Variants in RNF144B observed in about 807,000 individuals in gnomAD.
RNF144B encodes E3 ubiquitin-protein ligase RNF144B.
Under a neutral mutation model 40.2 loss-of-function variants are expected in RNF144B, and 25 were observed. The observed-to-expected ratio is 0.62, with a 90% CI of 0.45 to 0.87. The LOEUF (loss-of-function observed/expected upper bound fraction) is 0.87, where lower values mean the gene tolerates loss of function less well. Ranked by LOEUF, RNF144B falls within the 40% of genes least tolerant of loss-of-function variation. The pLI is 0.00. For missense variants in RNF144B, 365 were observed against 373.7 expected (o/e 0.98, Z 0.19); for synonymous variants, 145 against 136.3 (o/e 1.06, Z -0.44).
rs1219218034 is a variant in RNF144B, at chr6:18,444,472, T to C, written c.331+4728T>C. ...TCTACTTTTTCAAAATAGTTTTTTT[T>C]TGAAAATTGGGTTAAGATGATCCAT... On this transcript the variant is annotated intron_variant, in intron 4 of 7. Coordinates refer to ENST00000259939, the MANE Select transcript of RNF144B (RefSeq NM_182757.4). This position sits in a 1 kb window ranked among gnomAD's most constrained non-coding sequence, Gnocchi z 4.3. Among the ~76,000 whole-genome samples, 2 of 152,198 alleles carry C rather than the reference T, an allele frequency of 1.3e-5. No individual in the cohort carries two copies. Among genetic ancestry groups the C allele is most frequent in the African/African-American group, 4.8e-5 (2 of 41,444 alleles).
rs1759135607 is a variant in RNF144B at position 18,448,528 on chromosome 6, A to G, written c.332-8627A>G. 6.6e-6 allele frequency among the ~76,000 whole-genome samples: 1 copy of G among 152,144 alleles called. No individual in the cohort carries two copies. Among genetic ancestry groups the G allele is most frequent in the African/African-American group, 2.4e-5 (1 of 41,414 alleles). On this transcript the variant is annotated intron_variant, in intron 4 of 7. Coordinates refer to ENST00000259939, the MANE Select transcript of RNF144B (RefSeq NM_182757.4). This position sits in a 1 kb window ranked among gnomAD's most constrained non-coding sequence, Gnocchi z 4.0. Reference sequence around the variant, plus strand: ...ATATGAAAGTATAGCGAACCTAGCAATATTGAACGTGAAGTTTACAAGATA... The same window carrying G: ...ATATGAAAGTATAGCGAACCTAGCAGTATTGAACGTGAAGTTTACAAGATA...
At chr6:18,409,056 A>T (rs1197354033) in intron 2 of RNF144B, among the ~76,000 whole-genome samples, 18 of 149,754 alleles carry the variant, frequency 1.2e-4, no homozygotes, top group African/African-American at 4.4e-4. Flanking sequence ...TAAGTGTGTT[A>T]TATTCCTGCT....
intron 2 of RNF144B, among the ~76,000 whole-genome samples, chr6:18,411,638 G>C (rs1041984446): frequency 1.3e-5 from 2 of 150,470 alleles, no homozygotes; most frequent in Non-Finnish European, 3.0e-5. Context: ...CAAGTAGCTG[G>C]GATTACAAAC....
At chr6:18,455,353 A>G (rs1759302430) in intron 4 of RNF144B, among the ~76,000 whole-genome samples, 1 of 152,218 alleles carries the variant, frequency 6.6e-6, no homozygotes. Context: ...GAAAACTTAT[A>G]ACAAGATAGA....
chr6:18,397,945 C>T (rs543944212), intron 1 of RNF144B, among the ~76,000 whole-genome samples: 1 of 152,052 alleles, frequency 6.6e-6, no homozygotes, highest in Non-Finnish European at 1.5e-5. Context: ...TTTCATCATC[C>T]CAAGCAGAAA....
chr6:18,459,530 A>G lies in RNF144B; in HGVS notation c.537-77A>G. ...AAGCATGGATAACTGTGAGTTCATT[A>G]TCTAACCATCAGGAGCCCTGGGAAT... is the stretch of plus-strand genomic sequence containing the variant. On this transcript the variant is annotated intron_variant, in intron 5 of 7. Transcript: ENST00000259939. The surrounding 1 kb of genome is among the most constrained non-coding windows in gnomAD (Gnocchi z 4.2). 1 of 1,463,638 alleles carries G rather than the reference A, an allele frequency of 6.8e-7. No homozygotes were observed. The highest frequency in any genetic ancestry group is 9.4e-7 in the Non-Finnish European group (1 of 1,060,412). The allele number at this position is 1,463,638 out of a possible 1,614,324, so 90.7% of individuals were successfully genotyped here. A position where few individuals can be genotyped will look rare whatever the true frequency, so the allele number is the denominator to read the frequency against.
At chr6:18,421,942 T>G (rs1382534782) in intron 2 of RNF144B, among the ~76,000 whole-genome samples, 1 of 152,186 alleles carries the variant, frequency 6.6e-6, no homozygotes, top group African/African-American at 2.4e-5. Flanking sequence ...CTTTTTCCTT[T>G]AATCATTTGG....
intron 3 of RNF144B, among the ~76,000 whole-genome samples, chr6:18,431,199 C>G (rs12198699): frequency 0.12 from 18,212 of 151,220 alleles, 1,311 homozygotes; most frequent in Admixed American, 0.19. Flanking sequence ...GCACTCCAGC[C>G]TGGGTGACAC....
intron 6 of RNF144B, among the ~76,000 whole-genome samples, chr6:18,462,928 G>A (rs892317150): frequency 3.3e-5 from 5 of 151,942 alleles, no homozygotes; most frequent in Admixed American, 3.3e-4. Context: ...TCCATCCTCA[G>A]TCACTGGCAT....
chr6:18,444,122 C>G lies in RNF144B; in HGVS notation c.331+4378C>G, dbSNP rs772292716. Among the ~76,000 whole-genome samples the G allele has an allele frequency of 4.6e-5, 7 of 152,168 alleles. No individual in the cohort carries two copies. Among genetic ancestry groups the G allele is most frequent in the Non-Finnish European group, 1.0e-4 (7 of 68,030 alleles). ...CTCTGCTTTGTGTTACGTATTTGCT[C>G]AGCTTGTCCTTTATGTCTTTAAGTC... On this transcript the variant is annotated intron_variant, in intron 4 of 7. Coordinates refer to ENST00000259939, the MANE Select transcript of RNF144B (RefSeq NM_182757.4). This position sits in a 1 kb window ranked among gnomAD's most constrained non-coding sequence, Gnocchi z 4.3.
chr6:18,454,914 AGTAATATGTGTTTTAAGTTT>A (rs1317758312), intron 4 of RNF144B, among the ~76,000 whole-genome samples: 1 of 152,234 alleles, frequency 6.6e-6, no homozygotes, highest in Non-Finnish European at 1.5e-5. Flanking sequence ...AAATTTTAAC[AGTAATATGTGTTTTAAGTTT>A]CCTTTTCCCT....
rs773287676 is a variant in RNF144B at position 18,465,172 on chromosome 6, G to C, written c.*105G>C. The C allele has an allele frequency of 8.5e-7, 1 of 1,180,968 alleles. No individual in the cohort carries two copies. Among genetic ancestry groups the C allele is most frequent in the African/African-American group, 1.5e-5 (1 of 65,346 alleles). 73.2% of individuals were successfully genotyped at this position (1,180,968 alleles called of 1,614,324 possible). A position where few individuals can be genotyped will look rare whatever the true frequency, so the allele number is the denominator to read the frequency against. On this transcript the variant is annotated 3_prime_UTR_variant, in exon 8 of 8. Transcript: ENST00000259939. ...CTCCTTCTCCTTGCCAACTTTGAAA[G>C]TGCCTCCGTGTCCAGACTTTGAACT...
chr6:18,402,517 G>A (rs1794814339), intron 2 of RNF144B, among the ~76,000 whole-genome samples: 1 of 83,966 alleles, frequency 1.2e-5, no homozygotes, highest in African/African-American at 3.5e-5. Flanking sequence ...GAACTGCAAT[G>A]TTCTTCTGTT....
chr6:18,397,375 T>C (rs1325420427), intron 1 of RNF144B, among the ~76,000 whole-genome samples: 1 of 152,148 alleles, frequency 6.6e-6, no homozygotes, highest in Non-Finnish European at 1.5e-5. Context: ...GGGGGAGGTG[T>C]ATTTGCAATT....
At chr6:18,407,020 G>A (rs1018490143) in intron 2 of RNF144B, among the ~76,000 whole-genome samples, 2 of 152,096 alleles carry the variant, frequency 1.3e-5, no homozygotes, top group Admixed American at 1.3e-4. Flanking sequence ...CATGGGAACA[G>A]CATGGGGGAT....
chr6:18,467,409 T>TTTG lies in RNF144B; in HGVS notation c.*2344_*2345insGTT, dbSNP rs1157583192. Reference sequence around the variant, plus strand: ...TGAATTAGCTGCTTTTGTTTTTTTTTTTTTTTTTTTGCCAGGGCTATGGAG... The same window carrying TTTG: ...TGAATTAGCTGCTTTTGTTTTTTTTTTTGTTTTTTTTTTGCCAGGGCTATGGAG... On this transcript the variant is annotated 3_prime_UTR_variant, in exon 8 of 8. Transcript: ENST00000259939. 3.1e-5 allele frequency: 3 copies of TTTG among 96,578 alleles called. No homozygotes were observed. Among genetic ancestry groups the TTTG allele is most frequent in the African/African-American group, 5.9e-5 (2 of 34,186 alleles). The allele number at this position is 96,578 out of a possible 1,614,324, so 6.0% of individuals were successfully genotyped here. A position where few individuals can be genotyped will look rare whatever the true frequency, so the allele number is the denominator to read the frequency against.
At position 18,405,099 on chromosome 6, in the gene RNF144B, C is replaced by G. The variant is rs1794871402; in HGVS notation, c.165+5400C>G. ...TGCCAGTTCAAAGCACTGTATTATT[C>G]TGTTGGTTTCTGGTACCTAAATATG... is the stretch of plus-strand genomic sequence containing the variant. On this transcript the variant is annotated intron_variant, in intron 2 of 7. Transcript: ENST00000259939. The surrounding 1 kb of genome is among the most constrained non-coding windows in gnomAD (Gnocchi z 4.5). 6.6e-6 allele frequency among the ~76,000 whole-genome samples: 1 copy of G among 151,856 alleles called. No individual in the cohort carries two copies. The highest frequency in any genetic ancestry group is 1.5e-5 in the Non-Finnish European group (1 of 67,980).
At position 18,434,526 on chromosome 6, in the gene RNF144B, G is replaced by A. The variant is rs140708529; in HGVS notation, c.271-5158G>A. 7.2e-5 allele frequency among the ~76,000 whole-genome samples: 11 copies of A among 152,296 alleles called. No individual in the cohort carries two copies. The highest frequency in any genetic ancestry group is 2.1e-4 in the South Asian group (1 of 4,822). ...TGTGTGTAACAGTTACAGCACTCCC[G>A]TGTGTAGGTGTGGTCTGGCTTCCCT... On this transcript the variant is annotated intron_variant, in intron 3 of 7. Transcript: ENST00000259939. This position sits in a 1 kb window ranked among gnomAD's most constrained non-coding sequence, Gnocchi z 4.1.
At chr6:18,399,440 T>G in intron 1 of RNF144B, 59 bp from the exon 2 acceptor site, 1 of 1,248,026 alleles carries the variant, frequency 8.0e-7, no homozygotes, top group Non-Finnish European at 1.1e-6. Context: ...CCAGACGTGT[T>G]GGCTAAACAA....
Sources: allele counts gnomAD v4.1 joint callset (sites outside exome capture counted in the v4.1 genomes callset), GRCh38; gene constraint gnomAD v4.1.1; non-coding constraint Gnocchi (gnomAD v3.1); transcripts MANE v1.5; gene names NCBI Gene and HGNC (gene_info 2026-07-23, HGNC 2026-07-21).